RGS6: variants seen among roughly 807,000 people sequenced by gnomAD.
The protein encoded by RGS6 is regulator of G-protein signaling 6.
In RGS6, 30 loss-of-function variants were observed where a neutral mutation model predicts 78.5. The ratio of observed to expected loss-of-function variants is 0.38; its 90% CI spans 0.29 to 0.52. The LOEUF (loss-of-function observed/expected upper bound fraction) is 0.52, where lower values mean the gene tolerates loss of function less well. RGS6 is among the 20% of genes least tolerant of loss of function. The probability of loss-of-function intolerance (pLI) is 0.85; values close to 1 mark genes in which losing one functional copy is unlikely to be tolerated. For missense variants in RGS6, 495 were observed against 609.7 expected (o/e 0.81, Z 1.98); for synonymous variants, 206 against 206.0 (o/e 1.00, Z 0.00).
At chr14:72,535,875 G>T (rs1354345923) in intron 15 of RGS6, among the ~76,000 whole-genome samples, 1 of 152,186 alleles carries the variant, frequency 6.6e-6, no homozygotes, top group African/African-American at 2.4e-5. Flanking sequence ...TGTAAGAACA[G>T]TTTGTTCCTC....
chr14:72,574,816 G>A, the RGS6 span, among the ~76,000 whole-genome samples: 1 of 152,202 alleles, frequency 6.6e-6, no homozygotes, highest in East Asian at 1.9e-4. Context: ...AGAGTGTGCA[G>A]TGTGGGGGAC....
At chr14:72,458,468 C>A in intron 5 of RGS6, 91 bp downstream of exon 5, 1 of 982,366 alleles carries the variant, frequency 1.0e-6, no homozygotes, top group Non-Finnish European at 1.6e-6. Flanking sequence ...CTAGGGATAT[C>A]TGAGGGAGTA....
At chr14:72,297,956 G>A (rs1490307784) in intron 2 of RGS6, among the ~76,000 whole-genome samples, 2 of 151,722 alleles carry the variant, frequency 1.3e-5, no homozygotes, top group Admixed American at 6.6e-5. Context: ...AGAATTTTAT[G>A]TATCTACCAG....
chr14:72,383,026 T>C (rs1371548917), intron 3 of RGS6, among the ~76,000 whole-genome samples: 1 of 151,596 alleles, frequency 6.6e-6, no homozygotes, highest in South Asian at 2.1e-4. Flanking sequence ...GTTTTCTTCT[T>C]TTTACTGGGT....
chr14:71,949,157 A>G (rs949950653), intron 1 of RGS6, among the ~76,000 whole-genome samples: 1 of 152,116 alleles, frequency 6.6e-6, no homozygotes, highest in Admixed American at 6.5e-5. Flanking sequence ...CACACATATG[A>G]ATGTGTTTCT....
chr14:72,613,642 C>CAGAG, the RGS6 span, among the ~76,000 whole-genome samples: 1 of 152,154 alleles, frequency 6.6e-6, no homozygotes, highest in Non-Finnish European at 1.5e-5. Flanking sequence ...ACTCAGAACC[C>CAGAG]AGAGAGAGCC....
intron 2 of RGS6, among the ~76,000 whole-genome samples, chr14:72,240,558 T>G (rs2052514055): frequency 6.6e-6 from 1 of 152,206 alleles, no homozygotes. Context: ...AATTCTTGGC[T>G]CTACTATTAT....
intron 2 of RGS6, among the ~76,000 whole-genome samples, chr14:72,177,284 CT>C (rs2097118399): frequency 6.6e-6 from 1 of 151,958 alleles, no homozygotes; most frequent in Admixed American, 6.6e-5. Context: ...ATAGGTAGGC[CT>C]ATTTGTATCT....
intron 12 of RGS6, among the ~76,000 whole-genome samples, chr14:72,486,058 T>C (rs1394062178): frequency 6.6e-6 from 1 of 151,684 alleles, no homozygotes; most frequent in Middle Eastern, 3.2e-3. Flanking sequence ...GCTATGCTCA[T>C]GATAGTAAGT....
the RGS6 span, among the ~76,000 whole-genome samples, chr14:72,579,702 A>T: frequency 2.6e-5 from 4 of 152,202 alleles, no homozygotes; most frequent in Non-Finnish European, 5.9e-5. Context: ...AATGGACAGC[A>T]AAGGGTGTTG....
the RGS6 span, among the ~76,000 whole-genome samples, chr14:72,604,837 G>A: frequency 6.6e-6 from 1 of 152,218 alleles, no homozygotes; most frequent in Non-Finnish European, 1.5e-5. Flanking sequence ...GGGGGTTGGA[G>A]AGCGTTTCAT....
At chr14:72,103,725 T>C (rs1233974880) in intron 2 of RGS6, among the ~76,000 whole-genome samples, 3 of 152,126 alleles carry the variant, frequency 2.0e-5, no homozygotes, top group Non-Finnish European at 4.4e-5. Flanking sequence ...GAGACAGGGC[T>C]CCCGGAAGTA....
At chr14:72,627,845 T>C in the RGS6 span, among the ~76,000 whole-genome samples, 1 of 152,126 alleles carries the variant, frequency 6.6e-6, no homozygotes, top group South Asian at 2.1e-4. Flanking sequence ...TTTGTTTATA[T>C]AGGTTTTGCA....
intron 3 of RGS6, among the ~76,000 whole-genome samples, chr14:72,379,405 G>C (rs1020733646): frequency 6.6e-6 from 1 of 151,954 alleles, no homozygotes; most frequent in Non-Finnish European, 1.5e-5. Context: ...CTGTTTGCAG[G>C]CACATGAACT....
chr14:72,293,345 G>T (rs1203234659), intron 2 of RGS6, among the ~76,000 whole-genome samples: 4 of 152,194 alleles, frequency 2.6e-5, no homozygotes, highest in Non-Finnish European at 5.9e-5. Flanking sequence ...TAAAGCAACA[G>T]ATGAGGTCTG....
At chr14:72,114,470 T>A (rs1181213761) in intron 2 of RGS6, among the ~76,000 whole-genome samples, 1 of 152,210 alleles carries the variant, frequency 6.6e-6, no homozygotes, top group Non-Finnish European at 1.5e-5. Flanking sequence ...CTTCATAAAC[T>A]GTCAGATTCT....
chr14:72,531,119 C>A lies in RGS6; in HGVS notation c.1279-5067C>A, dbSNP rs116878320. Among the ~76,000 whole-genome samples the A allele has an allele frequency of 1.8e-4, 28 of 152,286 alleles. No individual in the cohort carries two copies. In the East Asian group the frequency reaches 5.4e-3, roughly 29 times the overall value. On this transcript the variant is annotated intron_variant, in intron 15 of 17. Coordinates refer to ENST00000553525, the MANE Select transcript of RGS6 (RefSeq NM_001204424.2). ...TTAAATCAGAATACGTCTGGACTAT[C>A]CAAGTAGTCTCAGAACCAGGCCACT...
chr14:72,571,007 A>G (rs1032374396), downstream of RGS6, among the ~76,000 whole-genome samples: 3 of 152,138 alleles, frequency 2.0e-5, no homozygotes, highest in Non-Finnish European at 2.9e-5. Context: ...CATATCTTGT[A>G]CATTTCCTCT....
At chr14:72,582,621 C>T in the RGS6 span, among the ~76,000 whole-genome samples, 1 of 152,136 alleles carries the variant, frequency 6.6e-6, no homozygotes, top group Non-Finnish European at 1.5e-5. Flanking sequence ...ACAGTTTTGG[C>T]TGGTGTGTTC....
Sources: gnomAD v4.1 joint callset for allele counts (sites outside exome capture counted in the v4.1 genomes callset) on GRCh38, gnomAD v4.1.1 for gene constraint, MANE v1.5 for transcripts, NCBI Gene and HGNC (gene_info 2026-07-23, HGNC 2026-07-21) for gene names.